The following LMO7 variants were observed in gnomAD, a reference collection of about 807,000 sequenced individuals.
LMO7 encodes the protein LIM domain 7, also known as LIM domain only protein 7.
A neutral mutation model predicts 206.5 loss-of-function variants in LMO7; 120 were observed. The ratio of observed to expected loss-of-function variants is 0.58; its 90% CI spans 0.50 to 0.68. LMO7 has a LOEUF of 0.68. LMO7 is among the 30% of genes least tolerant of loss of function. LMO7 has a pLI of 0.00. For synonymous variants in LMO7, 706 were observed against 681.5 expected, an observed-to-expected ratio of 1.04 and a Z score of -0.56; for missense variants, 1,959 against 1,957.9, an observed-to-expected ratio of 1.00 and a Z score of -0.01.
intron 1 of LMO7, among the ~76,000 whole-genome samples, chr13:75,701,821 A>G (rs9318366): frequency 0.077 from 11,720 of 152,230 alleles, 999 homozygotes; most frequent in African/African-American, 0.21. Flanking sequence ...AAACTAGCAC[A>G]TTTTGTATGT....
chr13:75,850,961 C>G (rs916652328), intron 27 of LMO7, among the ~76,000 whole-genome samples: 11 of 152,162 alleles, frequency 7.2e-5, no homozygotes, highest in African/African-American at 2.7e-4. Flanking sequence ...GGCCTGTGTT[C>G]TGCATATGGG....
At chr13:75,630,822 C>CT (rs2034833432) in intron 2 of LMO7, among the ~76,000 whole-genome samples, 1 of 144,074 alleles carries the variant, frequency 6.9e-6, no homozygotes, top group Non-Finnish European at 1.5e-5. Flanking sequence ...TTCTTTTTTT[C>CT]TTTTTGTATT....
intron 1 of LMO7, among the ~76,000 whole-genome samples, chr13:75,695,113 A>C (rs1375476378): frequency 1.3e-5 from 2 of 152,162 alleles, no homozygotes; most frequent in African/African-American, 4.8e-5. Flanking sequence ...TTGTCCACCC[A>C]TATTAACTCC....
chr13:75,810,465 T>C (rs755391328), intron 11 of LMO7, among the ~76,000 whole-genome samples: 4 of 152,226 alleles, frequency 2.6e-5, no homozygotes, highest in Non-Finnish European at 5.9e-5. Context: ...CAAGTACTTG[T>C]TAGCCACTGA....
chr13:75,845,495 A>C, intron 26 of LMO7, 116 bp downstream of exon 26: 1 of 598,626 alleles, frequency 1.7e-6, no homozygotes, highest in Non-Finnish European at 2.9e-6. Context: ...CTTAATTAAA[A>C]TACTTAGTAT....
At chr13:75,823,986 C>A in intron 15 of LMO7, 113 bp downstream of exon 15, 1 of 814,642 alleles carries the variant, frequency 1.2e-6, no homozygotes, top group Non-Finnish European at 2.0e-6. Context: ...TGAAAATGTG[C>A]AAAATGATAT....
At chr13:75,803,644 C>G (rs573838834) in intron 7 of LMO7, among the ~76,000 whole-genome samples, 3 of 152,312 alleles carry the variant, frequency 2.0e-5, no homozygotes, top group African/African-American at 7.2e-5. Flanking sequence ...AATCATAATA[C>G]AGCGTTCCCA....
chr13:75,846,029 C>T (rs1378124866), intron 26 of LMO7, among the ~76,000 whole-genome samples: 2 of 152,042 alleles, frequency 1.3e-5, no homozygotes, highest in Admixed American at 1.3e-4. Flanking sequence ...ATAGCCACTG[C>T]CCAGCTCCAG....
chr13:75,840,670 C>T (rs2139206441), intron 22 of LMO7, among the ~76,000 whole-genome samples, 175 bp downstream of exon 22: 1 of 152,290 alleles, frequency 6.6e-6, no homozygotes, highest in South Asian at 2.1e-4. Context: ...TGAAGATTTC[C>T]AGAGTCATCC....
At chr13:75,842,344 C>T (rs1284712579) in intron 24 of LMO7, among the ~76,000 whole-genome samples, 1 of 152,076 alleles carries the variant, frequency 6.6e-6, no homozygotes, top group Non-Finnish European at 1.5e-5. Flanking sequence ...TTTTCTAGTT[C>T]ATCTGCTTGG....
rs551247557 is a variant in LMO7, at chr13:75,827,505, G to A, written c.2949+3632G>A. Among the ~76,000 whole-genome samples, 4 of 152,256 alleles carry A rather than the reference G, an allele frequency of 2.6e-5. No individual in the cohort carries two copies. In the South Asian group the frequency reaches 8.3e-4, roughly 32 times the overall value. On this transcript the variant is annotated intron_variant, in intron 15 of 30. Transcript: ENST00000377534. ...CTTTTCATCCTCATAGCTGAGCTGGGGGTTTTGTCTCTTGCTATTCTTTTT... is the reference window on the plus strand; with the variant it reads ...CTTTTCATCCTCATAGCTGAGCTGGAGGTTTTGTCTCTTGCTATTCTTTTT...
At chr13:75,756,932 G>A (rs2047724339) in intron 3 of LMO7, among the ~76,000 whole-genome samples, 1 of 152,204 alleles carries the variant, frequency 6.6e-6, no homozygotes, top group Admixed American at 6.5e-5. Context: ...GGTGGGTCCA[G>A]AGAGTGAAAT....
chr13:75,658,750 A>AT (rs759656229), intron 1 of LMO7, among the ~76,000 whole-genome samples: 2,141 of 143,822 alleles, frequency 0.015, 30 homozygotes, highest in Non-Finnish European at 0.023. Context: ...CGCCCAGCTA[A>AT]TTTTTTTTTT....
chr13:75,813,495 C>T lies in LMO7; in HGVS notation c.1947-3666C>T, dbSNP rs546275761. On this transcript the variant is annotated intron_variant, in intron 11 of 30. Transcript: ENST00000377534. ...GCACCATGGCTGGGCCTGCAGCCCT[C>T]CCTTCCTGGCTTGTTGCAGTGCCTG... Among the ~76,000 whole-genome samples, 13 of 152,310 alleles carry T rather than the reference C, an allele frequency of 8.5e-5. No individual in the cohort carries two copies. In the East Asian group the frequency reaches 2.5e-3, roughly 29 times the overall value.
In LMO7 at chr13:75,718,194, A is replaced by G. The variant is rs184840321; in HGVS notation, c.140+4942A>G. Among the ~76,000 whole-genome samples the G allele has an allele frequency of 3.3e-3, 504 of 152,324 alleles. 10 individuals carry two copies. The highest frequency in any genetic ancestry group is 0.031 in the Admixed American group (480 of 15,298). On this transcript the variant is annotated intron_variant, in intron 2 of 30. Transcript: ENST00000377534. ...AGCAAAAACATGATTTTTTGTTTCAAAGAAAGAGTATGTCAAGTTGAAAGT... is the reference window on the plus strand; with the variant it reads ...AGCAAAAACATGATTTTTTGTTTCAGAGAAAGAGTATGTCAAGTTGAAAGT...
chr13:75,658,907 T>C (rs2038311081), intron 1 of LMO7, among the ~76,000 whole-genome samples: 1 of 152,146 alleles, frequency 6.6e-6, no homozygotes, highest in Non-Finnish European at 1.5e-5. Flanking sequence ...TATCTTCTAA[T>C]TGGTTAGTGT....
At chr13:75,772,146 T>C (rs772153286) in intron 4 of LMO7, among the ~76,000 whole-genome samples, 5 of 152,166 alleles carry the variant, frequency 3.3e-5, no homozygotes, top group Admixed American at 6.5e-5. Context: ...TTATCATTTC[T>C]TACCAAGCCT....
At chr13:75,829,072 G>A (rs763170009) in intron 15 of LMO7, among the ~76,000 whole-genome samples, 5 of 152,142 alleles carry the variant, frequency 3.3e-5, no homozygotes, top group Non-Finnish European at 2.9e-5. Flanking sequence ...TTCAGTTTTC[G>A]AATTGTTGGA....
In LMO7 at chr13:75,821,254, A is replaced by G. The variant is rs775340927; in HGVS notation, c.2285A>G (p.Lys762Arg). The G allele has an allele frequency of 5.0e-6, 8 of 1,613,918 alleles. No homozygotes were observed. Among genetic ancestry groups the G allele is most frequent in the Admixed American group, 3.3e-5 (2 of 60,000 alleles). ...YSFDDVLEEG[K>R]RPPTMTVSEA... ...TTTGATGATGTGCTGGAGGAAGGAA[A>G]GCGACCCCCTACAATGACTGTGTCA... The change falls in exon 14 of 31, where the codon AAG becomes AGG. Residue 762 changes from lysine (K) to arginine (R), a missense_variant. Coordinates refer to ENST00000377534, the MANE Select transcript of LMO7 (RefSeq NM_001306080.2).
Sources: allele counts gnomAD v4.1 joint callset (sites outside exome capture counted in the v4.1 genomes callset), GRCh38; gene constraint gnomAD v4.1.1; transcripts MANE v1.5; gene names NCBI Gene and HGNC (gene_info 2026-07-23, HGNC 2026-07-21).